CERT1: variants seen among roughly 807,000 people sequenced by gnomAD.
The protein encoded by CERT1 is ceramide transfer protein.
Under a neutral mutation model 87.9 loss-of-function variants are expected in CERT1, and 31 were observed. That is an observed-to-expected ratio of 0.35 (90% CI 0.27 to 0.48). CERT1 has a LOEUF of 0.48. Among genes scored for constraint, CERT1 ranks in the 20% least tolerant of loss-of-function variants. The pLI, the probability that CERT1 is intolerant of heterozygous loss-of-function variation, is 0.99. For missense variants in CERT1, 487 were observed against 758.0 expected, an observed-to-expected ratio of 0.64 and a Z score of 4.20; for synonymous variants, 289 against 250.9, an observed-to-expected ratio of 1.15 and a Z score of -1.44.
chr5:75,386,093 G>A, intron 12 of CERT1, 59 bp from the exon 13 acceptor site: 2 of 1,318,580 alleles, frequency 1.5e-6, no homozygotes, highest in Non-Finnish European at 2.0e-6. Context: ...CATAAAAGCA[G>A]GAAAGCATGC....
At chr5:75,485,915 C>T (rs569530749) in intron 2 of CERT1, among the ~76,000 whole-genome samples, 11 of 152,122 alleles carry the variant, frequency 7.2e-5, no homozygotes, top group African/African-American at 2.6e-4. Flanking sequence ...CACTGTTGAA[C>T]GTTACTGAAC....
intron 2 of CERT1, among the ~76,000 whole-genome samples, chr5:75,471,729 C>T (rs1016497039): frequency 3.7e-5 from 5 of 133,622 alleles, no homozygotes; most frequent in Non-Finnish European, 6.0e-5. Context: ...GCACTCCAGC[C>T]TTGTGACAGA....
chr5:75,435,124 C>T (rs569902156), intron 3 of CERT1, among the ~76,000 whole-genome samples: 1 of 152,198 alleles, frequency 6.6e-6, no homozygotes, highest in Non-Finnish European at 1.5e-5. Context: ...AGGTTTTGTT[C>T]ATTATTTAAA....
intron 11 of CERT1, among the ~76,000 whole-genome samples, chr5:75,397,010 T>G (rs889251587): frequency 1.6e-4 from 25 of 152,174 alleles, no homozygotes; most frequent in African/African-American, 6.0e-4. Context: ...CTATACAGAA[T>G]CAACTTGCTA....
intron 3 of CERT1, among the ~76,000 whole-genome samples, chr5:75,446,017 T>A (rs1310451281): frequency 6.6e-6 from 1 of 152,184 alleles, no homozygotes; most frequent in Non-Finnish European, 1.5e-5. Flanking sequence ...TATTTGGAGT[T>A]CATTAAACTT....
At chr5:75,445,586 A>C (rs1764503371) in intron 3 of CERT1, among the ~76,000 whole-genome samples, 1 of 152,146 alleles carries the variant, frequency 6.6e-6, no homozygotes, top group African/African-American at 2.4e-5. Flanking sequence ...CAGCCTTCCA[A>C]GTAGCTAGGA....
chr5:75,487,283 G>A (rs2112413926), intron 2 of CERT1, among the ~76,000 whole-genome samples: 1 of 152,198 alleles, frequency 6.6e-6, no homozygotes, highest in South Asian at 2.1e-4. Context: ...TTCATAAGCA[G>A]AAGAATGAAA....
At chr5:75,508,214 G>A (rs1400441743) in intron 1 of CERT1, among the ~76,000 whole-genome samples, 1 of 152,166 alleles carries the variant, frequency 6.6e-6, no homozygotes, top group African/African-American at 2.4e-5. Context: ...GCTAAACTTT[G>A]TGACAGTGGT....
chr5:75,410,703 T>TAAA (rs57976408), intron 8 of CERT1: 7 of 149,632 alleles, frequency 4.7e-5, no homozygotes, highest in South Asian at 2.2e-4. Flanking sequence ...GCTTTTATGT[T>TAAA]AAAAAAAAAA....
intron 17 of CERT1, chr5:75,369,719 G>T (rs1580675550): frequency 6.6e-6 from 1 of 152,220 alleles, no homozygotes; most frequent in Admixed American, 6.5e-5. Flanking sequence ...GAGCCTGGGT[G>T]ACAGGAAAAT....
chr5:75,496,275 T>A, intron 2 of CERT1, among the ~76,000 whole-genome samples: 2 of 146,406 alleles, frequency 1.4e-5, no homozygotes, highest in African/African-American at 5.1e-5. Flanking sequence ...CCTACCAGAA[T>A]GGTTAAGATT....
chr5:75,371,300 T>C (rs930578625), intron 17 of CERT1: 1 of 152,132 alleles, frequency 6.6e-6, no homozygotes, highest in African/African-American at 2.4e-5. Flanking sequence ...CATGACAAAA[T>C]CCAAATACAT....
chr5:75,386,154 T>TA, intron 12 of CERT1, 120 bp from the exon 13 acceptor site: 1 of 734,000 alleles, frequency 1.4e-6, no homozygotes, highest in African/African-American at 1.8e-5. Context: ...TTATAGAACA[T>TA]ATTCTGCTAA....
chr5:75,380,996 T>G (rs1761557717), intron 16 of CERT1, 76 bp downstream of exon 16: 9 of 1,486,126 alleles, frequency 6.1e-6, no homozygotes, highest in Middle Eastern at 1.9e-4. Context: ...AAAAGGCATT[T>G]GTCCAAATTG....
At chr5:75,424,802 T>C (rs1212984699) in intron 5 of CERT1, among the ~76,000 whole-genome samples, 1 of 152,142 alleles carries the variant, frequency 6.6e-6, no homozygotes, top group African/African-American at 2.4e-5. Context: ...CATTTTTTAA[T>C]GGAATAAAGA....
intron 3 of CERT1, among the ~76,000 whole-genome samples, chr5:75,436,160 G>A (rs1304504288): frequency 6.6e-6 from 1 of 152,060 alleles, no homozygotes; most frequent in Non-Finnish European, 1.5e-5. Context: ...GGCCTCCCGA[G>A]TAGCTGGGAC....
intron 5 of CERT1, among the ~76,000 whole-genome samples, chr5:75,424,556 GCGAGACT>G (rs1243295271): frequency 2.0e-5 from 3 of 150,284 alleles, no homozygotes; most frequent in Non-Finnish European, 4.4e-5. Context: ...TGGTGACAGA[GCGAGACT>G]CTGTCTCAAA....
chr5:75,376,666 G>C (rs1761328929), downstream of CERT1: 1 of 152,228 alleles, frequency 6.6e-6, no homozygotes, highest in Non-Finnish European at 1.5e-5. Flanking sequence ...ACTTGTGCTT[G>C]AAGAGAGAAT....
intron 5 of CERT1, among the ~76,000 whole-genome samples, chr5:75,423,343 A>T (rs968075484): frequency 3.9e-5 from 6 of 152,066 alleles, no homozygotes; most frequent in East Asian, 1.9e-4. Context: ...TTTTTTAATG[A>T]AGGAGAAACA....
Sources: allele counts gnomAD v4.1 joint callset (sites outside exome capture counted in the v4.1 genomes callset), GRCh38; gene constraint gnomAD v4.1.1; transcripts MANE v1.5; gene names NCBI Gene and HGNC (gene_info 2026-07-23, HGNC 2026-07-21).